Variants in RASGEF1A observed in about 807,000 individuals in gnomAD.
RASGEF1A encodes the protein RasGEF domain family member 1A.
In RASGEF1A, 18 loss-of-function variants were observed where a neutral mutation model predicts 56.4. The ratio of observed to expected loss-of-function variants is 0.32; its 90% CI spans 0.22 to 0.47. The LOEUF is 0.47. Ranked by LOEUF, RASGEF1A falls within the 20% of genes least tolerant of loss-of-function variation. RASGEF1A has a pLI of 1.00. For synonymous variants in RASGEF1A, 245 were observed against 242.6 expected, an observed-to-expected ratio of 1.01 and a Z score of -0.09; for missense variants, 422 against 627.1, an observed-to-expected ratio of 0.67 and a Z score of 3.49.
intron 1 of RASGEF1A, among the ~76,000 whole-genome samples, chr10:43,212,044 A>C (rs2046357179): frequency 6.6e-6 from 1 of 152,090 alleles, no homozygotes; most frequent in African/African-American, 2.4e-5. Flanking sequence ...ACTGCTTCTG[A>C]CCTGTGGCCT....
At chr10:43,208,408 G>C in intron 1 of RASGEF1A, 1 of 985,614 alleles carries the variant, frequency 1.0e-6, no homozygotes, top group Non-Finnish European at 1.2e-6. Flanking sequence ...GTGCTAGGAG[G>C]CCTGCCTAGG....
At chr10:43,222,950 T>G (rs898985182) in intron 1 of RASGEF1A, among the ~76,000 whole-genome samples, 1 of 152,202 alleles carries the variant, frequency 6.6e-6, no homozygotes, top group Non-Finnish European at 1.5e-5. Context: ...AATCTGGTAT[T>G]AGAATGTTGT....
At chr10:43,203,044 C>A (rs12767663) in intron 3 of RASGEF1A, among the ~76,000 whole-genome samples, 2 of 143,932 alleles carry the variant, frequency 1.4e-5, no homozygotes, top group Non-Finnish European at 3.0e-5. Flanking sequence ...GCAGCCCCAG[C>A]TAGGCCACGC....
intron 1 of RASGEF1A, among the ~76,000 whole-genome samples, chr10:43,212,010 C>T (rs1031073645): frequency 6.6e-6 from 1 of 152,186 alleles, no homozygotes; most frequent in Non-Finnish European, 1.5e-5. Context: ...CTCAATGGTG[C>T]CCAGTGGCCC....
At position 43,208,409 on chromosome 10, in the gene RASGEF1A, C is replaced by A. The variant is rs891632326; in HGVS notation, c.-6-2287G>T. 3 of 985,596 alleles carry A rather than the reference C, an allele frequency of 3.0e-6. No individual in the cohort carries two copies. The South Asian group carries it at 1.4e-4, about 46-fold the overall frequency. The allele number at this position is 985,596 out of a possible 1,614,324, so 61.1% of individuals were successfully genotyped here. ...AGAGACCTGCCTCAGTGCTAGGAGGCCTGCCTAGGAGTTGAGGAGCCATCC... is the reference window on the plus strand; with the variant it reads ...AGAGACCTGCCTCAGTGCTAGGAGGACTGCCTAGGAGTTGAGGAGCCATCC... On this transcript the variant is annotated intron_variant, in intron 1 of 12. Transcript: ENST00000395810.
chr10:43,243,884 C>G (rs546621868), intron 1 of RASGEF1A, among the ~76,000 whole-genome samples: 177 of 151,210 alleles, frequency 1.2e-3, no homozygotes, highest in Middle Eastern at 0.01. Context: ...CCAACAGCTC[C>G]GAAGAGACAG....
chr10:43,250,188 C>T (rs1301430198), intron 1 of RASGEF1A, among the ~76,000 whole-genome samples: 3 of 152,224 alleles, frequency 2.0e-5, no homozygotes, highest in African/African-American at 7.2e-5. Flanking sequence ...TTGGCCAATG[C>T]GCAGTCTCGG....
intron 5 of RASGEF1A, 80 bp downstream of exon 5, chr10:43,200,587 G>C: frequency 1.6e-6 from 2 of 1,265,438 alleles, no homozygotes; most frequent in African/African-American, 1.5e-5. Context: ...GTGACTAGCA[G>C]GGGCCTGAAG....
chr10:43,222,320 T>G (rs574263319), intron 1 of RASGEF1A, among the ~76,000 whole-genome samples: 1 of 152,310 alleles, frequency 6.6e-6, no homozygotes, highest in Admixed American at 6.5e-5. Flanking sequence ...GTCTTCTGTG[T>G]GCTGATGGAC....
intron 3 of RASGEF1A, among the ~76,000 whole-genome samples, chr10:43,202,157 T>G (rs1013260644): frequency 3.9e-5 from 6 of 152,164 alleles, no homozygotes; most frequent in Non-Finnish European, 5.9e-5. Context: ...TTGACTTTCT[T>G]TTTCACTTAA....
chr10:43,266,523 G>A (rs1261256592), intron 1 of RASGEF1A, among the ~76,000 whole-genome samples: 1 of 151,002 alleles, frequency 6.6e-6, no homozygotes, highest in East Asian at 2.0e-4. Context: ...ACGCCCGCCC[G>A]CCGCGTGCGC....
chr10:43,254,536 A>G (rs1467302138), intron 1 of RASGEF1A, among the ~76,000 whole-genome samples: 1 of 152,144 alleles, frequency 6.6e-6, no homozygotes, highest in Non-Finnish European at 1.5e-5. Context: ...CCGCCCCCGG[A>G]CCTGGTCTAC....
At chr10:43,258,501 C>T (rs1342641115) in intron 1 of RASGEF1A, among the ~76,000 whole-genome samples, 1 of 152,246 alleles carries the variant, frequency 6.6e-6, no homozygotes, top group African/African-American at 2.4e-5. Flanking sequence ...GCGCTTGACA[C>T]CAGAGGACAA....
intron 1 of RASGEF1A, among the ~76,000 whole-genome samples, chr10:43,210,872 G>A (rs570352150): frequency 6.6e-6 from 1 of 150,804 alleles, no homozygotes; most frequent in Admixed American, 6.6e-5. Flanking sequence ...GGGAGTGGGG[G>A]ACAGGCTTGC....
At chr10:43,203,814 G>C (rs747937391) in intron 2 of RASGEF1A, 132 of 1,020,102 alleles carry the variant, frequency 1.3e-4, no homozygotes, top group Non-Finnish European at 1.5e-4. Flanking sequence ...CGAGCTGGAG[G>C]TCAGCGGTGG....
At chr10:43,260,660 C>G (rs1308379465) in intron 1 of RASGEF1A, among the ~76,000 whole-genome samples, 1 of 152,178 alleles carries the variant, frequency 6.6e-6, no homozygotes, top group Non-Finnish European at 1.5e-5. Flanking sequence ...CTGTCCCGCC[C>G]CCTCCCACCT....
At chr10:43,230,845 G>A (rs1250309182) in intron 1 of RASGEF1A, among the ~76,000 whole-genome samples, 2 of 152,158 alleles carry the variant, frequency 1.3e-5, no homozygotes, top group African/African-American at 4.8e-5. Context: ...CTACTAGGCT[G>A]GCTCGATGGG....
intron 1 of RASGEF1A, among the ~76,000 whole-genome samples, chr10:43,234,254 A>T (rs1053444729): frequency 6.6e-6 from 1 of 152,212 alleles, no homozygotes; most frequent in African/African-American, 2.4e-5. Context: ...GACAGGTAGA[A>T]GCTGTCGGCA....
intron 1 of RASGEF1A, among the ~76,000 whole-genome samples, chr10:43,225,316 T>C (rs1840262873): frequency 6.7e-6 from 1 of 149,826 alleles, no homozygotes; most frequent in Non-Finnish European, 1.5e-5. Context: ...TGTGTGTCTG[T>C]GTGTCTGTGT....
Sources: gnomAD v4.1 joint callset for allele counts (sites outside exome capture counted in the v4.1 genomes callset) on GRCh38, gnomAD v4.1.1 for gene constraint, MANE v1.5 for transcripts, NCBI Gene and HGNC (gene_info 2026-07-23, HGNC 2026-07-21) for gene names.